The following SLC6A12 variants were observed in gnomAD, a reference collection of about 807,000 sequenced individuals.
The protein encoded by SLC6A12 is sodium- and chloride-dependent betaine transporter.
SLC6A12 carries 50 observed loss-of-function variants against 73.3 expected under a neutral mutation model. That is an observed-to-expected ratio of 0.68 (90% CI 0.54 to 0.86). SLC6A12 has a LOEUF of 0.86. SLC6A12 is among the 40% of genes least tolerant of loss of function. The pLI is 0.00. For missense variants in SLC6A12, 648 were observed against 772.8 expected, an observed-to-expected ratio of 0.84 and a Z score of 1.92; for synonymous variants, 304 against 309.2, an observed-to-expected ratio of 0.98 and a Z score of 0.18.
chr12:187,624 A>ACC (rs1939458884), downstream of SLC6A12, among the ~76,000 whole-genome samples: 1 of 37,040 alleles, frequency 2.7e-5, no homozygotes. Context: ...AAAAAAAAAA[A>ACC]AAAAAAACAA....
At chr12:189,080 G>A (rs1378414597), downstream of SLC6A12, among the ~76,000 whole-genome samples, 6 of 152,228 alleles carry the variant, frequency 3.9e-5, no homozygotes, top group African/African-American at 1.4e-4. Flanking sequence ...CAGAGAGCGA[G>A]GCTTGGGAGC....
downstream of SLC6A12, among the ~76,000 whole-genome samples, chr12:185,887 T>C (rs1038606827): frequency 5.3e-5 from 8 of 152,344 alleles, no homozygotes; most frequent in African/African-American, 1.9e-4. Flanking sequence ...CATCCTCCCA[T>C]GGCCGCTGCA....
rs1480363200 is a variant in SLC6A12, at chr12:197,805, G to A, written c.950+95C>T. The A allele has an allele frequency of 1.0e-5, 9 of 864,566 alleles. No homozygotes were observed. The South Asian group carries it at 1.4e-4, about 14-fold the overall frequency. The allele number at this position is 864,566 out of a possible 1,614,324, so 53.6% of individuals were successfully genotyped here. A position where few individuals can be genotyped will look rare whatever the true frequency, so the allele number is the denominator to read the frequency against. On this transcript the variant is annotated intron_variant, in intron 9 of 15. Transcript: ENST00000684302. The stretch of plus-strand genomic sequence containing the variant: ...GTCTGATACAACGTATAATGAATAA[G>A]GAAGGTCTGGGCCCAGAGACTATGG...
intron 11 of SLC6A12, 28 bp from the exon 12 acceptor site, chr12:196,289 G>A (rs1939861348): frequency 6.2e-7 from 1 of 1,601,022 alleles, no homozygotes; most frequent in Non-Finnish European, 8.5e-7. Flanking sequence ...AACTGGATGA[G>A]AGGGTGTGGG....
chr12:198,683 C>T lies in SLC6A12; in HGVS notation c.846+114G>A. 5.1e-6 allele frequency: 4 copies of T among 781,730 alleles called. No homozygotes were observed. The highest frequency in any genetic ancestry group is 5.0e-5 in the South Asian group (2 of 40,164). The allele number at this position is 781,730 out of a possible 1,614,324, so 48.4% of individuals were successfully genotyped here. On this transcript the variant is annotated intron_variant, in intron 8 of 15. Transcript: ENST00000684302. The surrounding 1 kb of genome is among the most constrained non-coding windows in gnomAD (Gnocchi z 4.0). ...TCTTCCATATTTTCTAATTTATCTC[C>T]AGTGGGCATTTATTGCTTTTAAACC...
intron 10 of SLC6A12, 63 bp downstream of exon 10, chr12:197,314 A>G (rs554982578): frequency 1.1e-4 from 166 of 1,531,754 alleles, no homozygotes; most frequent in Admixed American, 8.3e-4. Flanking sequence ...CCTTTCAGCA[A>G]GAGAGAAGTG....
chr12:209,715 ACTGCCCAG>A (rs1220789133), intron 3 of SLC6A12, 50 bp downstream of exon 3: 2 of 1,596,290 alleles, frequency 1.3e-6, no homozygotes, highest in African/African-American at 2.7e-5. Flanking sequence ...CCAGGTAGGC[ACTGCCCAG>A]CTGCCAGCAC....
At position 190,910 on chromosome 12, in the gene SLC6A12, A is replaced by G; in HGVS notation, c.*158T>C. On this transcript the variant is annotated 3_prime_UTR_variant, in exon 16 of 16. Coordinates refer to ENST00000684302, the MANE Select transcript of SLC6A12 (RefSeq NM_001122848.3). Reference sequence around the variant, plus strand: ...GGAAGGAGCTGCTCCAGCTAGCACAAGAGAGGAGTCTGGCCTCCAGCTGGG... The same window carrying G: ...GGAAGGAGCTGCTCCAGCTAGCACAGGAGAGGAGTCTGGCCTCCAGCTGGG... 2.0e-6 allele frequency: 1 copy of G among 492,370 alleles called. No individual in the cohort carries two copies. Among genetic ancestry groups the G allele is most frequent in the Non-Finnish European group, 3.2e-6 (1 of 312,962 alleles). The allele number at this position is 492,370 out of a possible 1,614,324, so 30.5% of individuals were successfully genotyped here.
In SLC6A12 at chr12:191,082, CCTT is replaced by C; in HGVS notation, c.1828_1830del (p.Lys610del). ...CTGGCCACACCCTACAAATGGGTCT[CCTT>C]CTCCCCGGCTATCAGTCCTTCCCTT... is the stretch of plus-strand genomic sequence containing the variant. On this transcript the variant is annotated inframe_deletion, in exon 16 of 16. Transcript: ENST00000684302. 1.5e-6 allele frequency: 2 copies of C among 1,331,624 alleles called. No individual in the cohort carries two copies. Among genetic ancestry groups the C allele is most frequent in the Non-Finnish European group, 1.9e-6 (2 of 1,030,004 alleles). 82.5% of individuals were successfully genotyped at this position (1,331,624 alleles called of 1,614,324 possible). A position where few individuals can be genotyped will look rare whatever the true frequency, so the allele number is the denominator to read the frequency against.
At chr12:196,983 C>T (rs2137126616) in intron 10 of SLC6A12, 101 bp from the exon 11 acceptor site, 1 of 733,048 alleles carries the variant, frequency 1.4e-6, no homozygotes, top group South Asian at 1.6e-5. Flanking sequence ...CCTGTGCACA[C>T]ACTTTAAGAG....
At chr12:207,778 A>T (rs1940723128) in intron 3 of SLC6A12, among the ~76,000 whole-genome samples, 1 of 152,208 alleles carries the variant, frequency 6.6e-6, no homozygotes, top group African/African-American at 2.4e-5. Flanking sequence ...CTACATTTCT[A>T]GACCCCCAAG....
Position 198,149 on chromosome 12 carries a change from A to G in SLC6A12, c.847-146T>C, listed in dbSNP as rs1591788051. Reference sequence around the variant, plus strand: ...CCCTCCTGCATCCCAACTCTCCGTGAGTGCGCCCTCCGGTCTCCACGGTGA... The same window carrying G: ...CCCTCCTGCATCCCAACTCTCCGTGGGTGCGCCCTCCGGTCTCCACGGTGA... On this transcript the variant is annotated intron_variant, in intron 8 of 15. Transcript: ENST00000684302. The surrounding 1 kb of genome is among the most constrained non-coding windows in gnomAD (Gnocchi z 4.0). 1 of 646,124 alleles carries G rather than the reference A, an allele frequency of 1.5e-6. No homozygotes were observed. The highest frequency in any genetic ancestry group is 2.7e-5 in the East Asian group (1 of 36,618). 40.0% of individuals were successfully genotyped at this position (646,124 alleles called of 1,614,324 possible).
At chr12:209,360 C>T (rs1445354084) in intron 3 of SLC6A12, among the ~76,000 whole-genome samples, 1 of 152,208 alleles carries the variant, frequency 6.6e-6, no homozygotes, top group Non-Finnish European at 1.5e-5. Flanking sequence ...AGACACAGTA[C>T]AACTCCTCAG....
Position 191,389 on chromosome 12 carries a change from C to T in SLC6A12, c.1702-178G>A, listed in dbSNP as rs527919409. Reference sequence around the variant, plus strand: ...AAGGGAGGCAGCAATACCGTGACTACGAATGAGTGTGCGCTGCCTGGGTTC... The same window carrying T: ...AAGGGAGGCAGCAATACCGTGACTATGAATGAGTGTGCGCTGCCTGGGTTC... On this transcript the variant is annotated intron_variant, in intron 15 of 15. Transcript: ENST00000684302. 1.2e-4 allele frequency among the ~76,000 whole-genome samples: 18 copies of T among 152,324 alleles called. No individual in the cohort carries two copies. The South Asian group carries it at 2.7e-3, about 23-fold the overall frequency.
chr12:206,065 T>A (rs1940624641), intron 3 of SLC6A12, among the ~76,000 whole-genome samples: 1 of 152,240 alleles, frequency 6.6e-6, no homozygotes, highest in Non-Finnish European at 1.5e-5. Context: ...TCTCTTTGTG[T>A]GTGTGTATGA....
At chr12:207,140 C>T (rs188892135) in intron 3 of SLC6A12, among the ~76,000 whole-genome samples, 377 of 152,370 alleles carry the variant, frequency 2.5e-3, no homozygotes, top group Middle Eastern at 0.014. Context: ...CTGCTACACC[C>T]TCCCCTCAAA....
intron 2 of SLC6A12, 161 bp from the exon 3 acceptor site, chr12:210,204 C>A: frequency 8.4e-7 from 1 of 1,192,400 alleles, no homozygotes. Context: ...TAAGAGCAAA[C>A]CTTAGTTTTC....
intron 10 of SLC6A12, among the ~76,000 whole-genome samples, chr12:197,112 T>TCTAC (rs1565468937): frequency 8.3e-4 from 56 of 67,724 alleles, no homozygotes; most frequent in African/African-American, 3.1e-3. Context: ...CATCCATCCA[T>TCTAC]CCATCCATCC....
chr12:192,865 A>G (rs1330580837), intron 14 of SLC6A12, among the ~76,000 whole-genome samples: 1 of 147,068 alleles, frequency 6.8e-6, no homozygotes, highest in African/African-American at 2.5e-5. Flanking sequence ...TCGGAAGAGC[A>G]TCATTCACAT....
Sources: gnomAD v4.1 joint callset for allele counts (sites outside exome capture counted in the v4.1 genomes callset) on GRCh38, gnomAD v4.1.1 for gene constraint, Gnocchi (gnomAD v3.1) non-coding constraint, MANE v1.5 for transcripts, NCBI Gene and HGNC (gene_info 2026-07-23, HGNC 2026-07-21) for gene names.